CFAP46: variants seen among roughly 807,000 people sequenced by gnomAD.
The protein encoded by CFAP46 is cilia and flagella associated protein 46, also known as cilia- and flagella-associated protein 46.
Under a neutral mutation model 325.7 loss-of-function variants are expected in CFAP46, and 245 were observed. The observed-to-expected ratio is 0.75, with a 90% CI of 0.68 to 0.84. The LOEUF (loss-of-function observed/expected upper bound fraction) is 0.84. Ranked by LOEUF, CFAP46 falls within the 40% of genes least tolerant of loss-of-function variation. The pLI, the probability that CFAP46 is intolerant of heterozygous loss-of-function variation, is 0.00. For synonymous variants in CFAP46, 1,523 were observed against 1,495.9 expected (o/e 1.02, Z -0.42); for missense variants, 3,346 against 3,543.0 (o/e 0.94, Z 1.41).
intron 44 of CFAP46, among the ~76,000 whole-genome samples, chr10:132,841,766 AC>A (rs1848348552): frequency 6.6e-6 from 1 of 152,028 alleles, no homozygotes; most frequent in Admixed American, 6.6e-5. Flanking sequence ...TGCCTGAGCC[AC>A]CCCTGGGGCC....
At chr10:132,941,810 G>GC in intron 2 of CFAP46, 88 bp from the exon 3 acceptor site, 2 of 1,581,890 alleles carry the variant, frequency 1.3e-6, no homozygotes, top group Non-Finnish European at 1.7e-6. Flanking sequence ...TTCAGAACAG[G>GC]CCCCCAGCAC....
chr10:132,936,366 G>A (rs1282888342), intron 7 of CFAP46, among the ~76,000 whole-genome samples: 3 of 50,116 alleles, frequency 6.0e-5, no homozygotes, highest in Admixed American at 1.8e-4. Flanking sequence ...CACTCCCCTC[G>A]GCACCCAAAC....
intron 54 of CFAP46, among the ~76,000 whole-genome samples, chr10:132,813,173 G>A (rs576549218): frequency 3.3e-5 from 5 of 152,186 alleles, no homozygotes; most frequent in African/African-American, 7.2e-5. Context: ...TGCGGGAAAC[G>A]CTAGGAGGGG....
rs1847657258 is a variant in CFAP46 at position 132,814,709 on chromosome 10, ATGATGCAGTCAGGGGGGATGGT to A, written c.7204_7225del (p.Thr2402Ter). 2.5e-6 allele frequency: 4 copies of A among 1,611,740 alleles called. No homozygotes were observed. The highest frequency in any genetic ancestry group is 2.2e-5 in the East Asian group (1 of 44,848). Reference sequence around the variant, plus strand: ...ACACTTGAAGTTGTCTGAGTCGACTATGATGCAGTCAGGGGGGATGGTCCGGGGGATGCTGCCCTGCAACCAC... The same window carrying A: ...ACACTTGAAGTTGTCTGAGTCGACTACCGGGGGATGCTGCCCTGCAACCAC... On this transcript the variant is annotated frameshift_variant, in exon 52 of 58. Coordinates refer to ENST00000368586, the MANE Select transcript of CFAP46 (RefSeq NM_001200049.3). LOFTEE classifies it high-confidence loss of function.
At chr10:132,825,870 C>A in intron 50 of CFAP46, among the ~76,000 whole-genome samples, 1 of 152,292 alleles carries the variant, frequency 6.6e-6, no homozygotes, top group Admixed American at 6.5e-5. Flanking sequence ...CTGGGACTCC[C>A]GGGCACACCA....
Position 132,895,495 on chromosome 10 carries a change from C to CTG in CFAP46, c.3220-3080_3220-3079dup, listed in dbSNP as rs544455602. 2.7e-4 allele frequency among the ~76,000 whole-genome samples: 41 copies of CTG among 152,228 alleles called. 1 individual carries two copies. The South Asian group carries it at 8.3e-3, about 31-fold the overall frequency. On this transcript the variant is annotated intron_variant, in intron 24 of 57. Coordinates refer to ENST00000368586, the MANE Select transcript of CFAP46 (RefSeq NM_001200049.3). ...AGAACACGGTGAGAAGGCAGCCAGGCTGTGTGTGCTATACTGGAAAAGAAG... is the reference window on the plus strand; with the variant it reads ...AGAACACGGTGAGAAGGCAGCCAGGCTGTGTGTGTGCTATACTGGAAAAGAAG...
At chr10:132,826,570 A>G (rs1848058408) in intron 50 of CFAP46, among the ~76,000 whole-genome samples, 1 of 118,394 alleles carries the variant, frequency 8.4e-6, no homozygotes, top group African/African-American at 3.5e-5. Context: ...AGCCACAGAG[A>G]CCAGCCACGG....
rs1338999722 is a variant in CFAP46, at chr10:132,860,535, C to T, written c.5092-12G>A. 1.3e-6 allele frequency: 2 copies of T among 1,534,294 alleles called. No homozygotes were observed. Among genetic ancestry groups the T allele is most frequent in the Non-Finnish European group, 1.8e-6 (2 of 1,132,052 alleles). On this transcript the variant is annotated splice_polypyrimidine_tract_variant and intron_variant, in intron 36 of 57. Coordinates refer to ENST00000368586, the MANE Select transcript of CFAP46 (RefSeq NM_001200049.3). ...AATATGTGACACACCTGAGGACAGGCAGGGGTGGATACGGGTGTGTCTGAG... is the reference window on the plus strand; with the variant it reads ...AATATGTGACACACCTGAGGACAGGTAGGGGTGGATACGGGTGTGTCTGAG...
intron 36 of CFAP46, 62 bp from the exon 37 acceptor site, chr10:132,860,585 T>C: frequency 7.5e-7 from 1 of 1,333,092 alleles, no homozygotes; most frequent in Non-Finnish European, 1.1e-6. Flanking sequence ...GATACAGGCC[T>C]GAGGACGGGC....
chr10:132,885,273 G>A lies in CFAP46; in HGVS notation c.3457C>T (p.His1153Tyr). The change falls in exon 27 of 58, where the codon CAC (histidine) becomes TAC (tyrosine). Residue 1153 changes from histidine (H) to tyrosine (Y), a missense_variant. His to Tyr is a moderately conservative substitution (Grantham distance 83, BLOSUM62 2). Transcript: ENST00000368586. ...AGCTTGGCCTTCACGATGACCATGT[G>A]CTTGAAGATCAAGCTAAAGAAAGGG... ...RTAHRLLIFK[H>Y]MVIVKAKLGQ... 1 of 1,547,036 alleles carries A rather than the reference G, an allele frequency of 6.5e-7. No homozygotes were observed. The highest frequency in any genetic ancestry group is 8.7e-7 in the Non-Finnish European group (1 of 1,144,736).
chr10:132,811,000 C>T lies in CFAP46; in HGVS notation c.7533G>A (p.Ala2511=), dbSNP rs2274429. 541,181 of 1,603,858 alleles carry T rather than the reference C, an allele frequency of 0.34. 95,541 individuals carry two copies. The highest frequency in any genetic ancestry group is 0.6 in the East Asian group (26,868 of 44,480). ...ECQVAVLLDL[A]RSYQSLKRHM... ...GCCTCTTCAAGCTCTGGTAGGACCG[C>T]GCCAGGTCCAGCAGGACTGCCACCT... The change falls in exon 56 of 58, where the codon GCG becomes GCA. Residue 2511 remains alanine, a synonymous_variant. Transcript: ENST00000368586.
chr10:132,839,497 G>T (rs1326434469), intron 44 of CFAP46, among the ~76,000 whole-genome samples: 1 of 152,142 alleles, frequency 6.6e-6, no homozygotes, highest in Non-Finnish European at 1.5e-5. Context: ...CAGTCTCTTG[G>T]TTCTGTATTT....
rs999188335 is a variant in CFAP46, at chr10:132,884,270, T to C, written c.3627+833A>G. Among the ~76,000 whole-genome samples the C allele has an allele frequency of 6.6e-6, 1 of 152,142 alleles. No individual in the cohort carries two copies. The highest frequency in any genetic ancestry group is 1.5e-5 in the Non-Finnish European group (1 of 68,028). On this transcript the variant is annotated intron_variant, in intron 27 of 57. Coordinates refer to ENST00000368586, the MANE Select transcript of CFAP46 (RefSeq NM_001200049.3). This position sits in a 1 kb window ranked among gnomAD's most constrained non-coding sequence, Gnocchi z 5.4. ...AGTGGCTCCCTGTGGCTCCCCACGG[T>C]GGTACCCAGGCGTCTGCCTTGATCA... is the stretch of plus-strand genomic sequence containing the variant.
chr10:132,912,541 C>T (rs796542895), intron 19 of CFAP46, 114 bp downstream of exon 19: 16 of 251,716 alleles, frequency 6.4e-5, no homozygotes, highest in East Asian at 5.3e-4. Context: ...CTCTCCTCTC[C>T]TCTCTCTCTC....
At chr10:132,902,640 T>C (rs1283089028) in intron 22 of CFAP46, among the ~76,000 whole-genome samples, 2 of 152,250 alleles carry the variant, frequency 1.3e-5, no homozygotes, top group Non-Finnish European at 2.9e-5. Context: ...TTTTTTCTAT[T>C]CTACTCTTTT....
intron 9 of CFAP46, among the ~76,000 whole-genome samples, chr10:132,928,268 G>A (rs541905302): frequency 5.9e-5 from 9 of 152,360 alleles, no homozygotes; most frequent in East Asian, 5.8e-4. Flanking sequence ...AAGTGGGGCC[G>A]GACCCAGGCG....
rs1849090441 is a variant in CFAP46 at position 132,884,327 on chromosome 10, C to A, written c.3627+776G>T. The stretch of plus-strand genomic sequence containing the variant: ...GCCCTGAGCCGGCACTCACACAGCA[C>A]CGTCAGAGACCCCCAACCATCCTCA... On this transcript the variant is annotated intron_variant, in intron 27 of 57. Transcript: ENST00000368586. This position sits in a 1 kb window ranked among gnomAD's most constrained non-coding sequence, Gnocchi z 5.4. Among the ~76,000 whole-genome samples, 1 of 152,208 alleles carries A rather than the reference C, an allele frequency of 6.6e-6. No homozygotes were observed. The highest frequency in any genetic ancestry group is 2.4e-5 in the African/African-American group (1 of 41,444).
Position 132,836,195 on chromosome 10 carries a change from T to C in CFAP46, c.6560A>G (p.Tyr2187Cys). The change falls in exon 46 of 58, where the codon TAC becomes TGC. Residue 2187 changes from tyrosine to cysteine, a missense_variant. Tyr to Cys is a radical substitution (Grantham distance 194, BLOSUM62 -2). Transcript: ENST00000368586. ...GDRSRLYGAA[Y>C]EKPKFITAAK... ...TGCAGTAATGAACTTGGGTTTCTCG[T>C]AGGCAGCGCCGTACAGACGGGACCT... The C allele has an allele frequency of 6.2e-7, 1 of 1,610,890 alleles. No individual in the cohort carries two copies. The highest frequency in any genetic ancestry group is 8.5e-7 in the Non-Finnish European group (1 of 1,179,456).
At chr10:132,812,424 G>A (rs566396685) in intron 55 of CFAP46, among the ~76,000 whole-genome samples, 12 of 152,294 alleles carry the variant, frequency 7.9e-5, no homozygotes, top group East Asian at 7.7e-4. Context: ...GGGAGGGGCC[G>A]TGACCAGCGC....
Sources: allele counts gnomAD v4.1 joint callset (sites outside exome capture counted in the v4.1 genomes callset), GRCh38; gene constraint gnomAD v4.1.1; non-coding constraint Gnocchi (gnomAD v3.1); transcripts MANE v1.5; gene names NCBI Gene and HGNC (gene_info 2026-07-23, HGNC 2026-07-21).